Variants in NBAS observed in about 807,000 individuals in gnomAD.
The protein encoded by NBAS is NAG/BC035112 fusion.
Under a neutral mutation model 302.5 loss-of-function variants are expected in NBAS, and 219 were observed. The observed-to-expected ratio is 0.72, with a 90% CI of 0.65 to 0.81. The LOEUF is 0.81. NBAS is among the 30% of genes least tolerant of loss of function. The pLI is 0.00. For missense variants in NBAS, 2,932 were observed against 2,841.6 expected, an observed-to-expected ratio of 1.03 and a Z score of -0.72; for synonymous variants, 1,118 against 1,021.6, an observed-to-expected ratio of 1.09 and a Z score of -1.80.
intron 44 of NBAS, among the ~76,000 whole-genome samples, chr2:15,247,680 CTATA>C (rs745832444): frequency 6.7e-6 from 1 of 149,450 alleles, no homozygotes; most frequent in Non-Finnish European, 1.5e-5. Flanking sequence ...CTCTCTCTCT[CTATA>C]TATATATCTA....
intron 44 of NBAS, among the ~76,000 whole-genome samples, chr2:15,268,442 T>A (rs1669172293): frequency 6.6e-6 from 1 of 152,124 alleles, no homozygotes; most frequent in Non-Finnish European, 1.5e-5. Flanking sequence ...AGGCAAAAGA[T>A]CTCACTGTCA....
intron 40 of NBAS, among the ~76,000 whole-genome samples, chr2:15,304,148 C>A (rs974280878): frequency 1.6e-4 from 25 of 152,156 alleles, no homozygotes; most frequent in Non-Finnish European, 4.4e-5. Context: ...AAGGGAAAGA[C>A]CAGATGAAGA....
downstream of NBAS, among the ~76,000 whole-genome samples, chr2:15,163,215 G>C (rs1487988180): frequency 6.6e-6 from 1 of 152,220 alleles, no homozygotes; most frequent in Non-Finnish European, 1.5e-5. Flanking sequence ...AGGGCGAAGA[G>C]AAGTGGAGTT....
intron 44 of NBAS, among the ~76,000 whole-genome samples, chr2:15,259,743 C>T (rs1477054023): frequency 6.6e-6 from 1 of 152,166 alleles, no homozygotes; most frequent in African/African-American, 2.4e-5. Flanking sequence ...CAGATAAGTG[C>T]CAATTTGCAA....
chr2:14,848,850 C>T, the NBAS span, among the ~76,000 whole-genome samples: 29 of 151,250 alleles, frequency 1.9e-4, no homozygotes, highest in African/African-American at 6.9e-4. Flanking sequence ...TTCCAACAGA[C>T]CTGCAGCTGA....
chr2:15,234,783 A>G (rs1387865552), intron 45 of NBAS, 36 bp from the exon 46 acceptor site: 1 of 1,595,280 alleles, frequency 6.3e-7, no homozygotes, highest in South Asian at 1.1e-5. Context: ...TAAGTATCAA[A>G]TAGAAATTAA....
At chr2:15,103,927 T>C in the NBAS span, among the ~76,000 whole-genome samples, 4 of 152,220 alleles carry the variant, frequency 2.6e-5, no homozygotes, top group African/African-American at 9.6e-5. Context: ...TCTTTCATGC[T>C]AAATTGTGTC....
At chr2:15,347,264 A>G (rs1426960502) in intron 35 of NBAS, among the ~76,000 whole-genome samples, 1 of 152,218 alleles carries the variant, frequency 6.6e-6, no homozygotes, top group Non-Finnish European at 1.5e-5. Flanking sequence ...GTTTCTTCAG[A>G]TGTTAGACAT....
chr2:15,488,310 C>T (rs1350863878), intron 12 of NBAS, among the ~76,000 whole-genome samples: 1 of 152,150 alleles, frequency 6.6e-6, no homozygotes, highest in Admixed American at 6.6e-5. Flanking sequence ...TATGAGCAGA[C>T]CTTTCCTTCC....
intron 19 of NBAS, among the ~76,000 whole-genome samples, chr2:15,462,653 G>A (rs1679555334): frequency 1.3e-5 from 2 of 152,114 alleles, no homozygotes; most frequent in Admixed American, 1.3e-4. Context: ...AAGGAGAGCT[G>A]AGCAGTTCAC....
chr2:14,897,159 A>C, the NBAS span, among the ~76,000 whole-genome samples: 2 of 152,070 alleles, frequency 1.3e-5, no homozygotes, highest in African/African-American at 4.8e-5. Context: ...AGCAGGTGGC[A>C]AAGCTGGAAC....
chr2:14,867,461 G>A, the NBAS span, among the ~76,000 whole-genome samples: 1 of 152,082 alleles, frequency 6.6e-6, no homozygotes, highest in African/African-American at 2.4e-5. Flanking sequence ...CAAGACCCAG[G>A]CAAGGGCAAA....
At chr2:15,259,452 C>G (rs1426453790) in intron 44 of NBAS, among the ~76,000 whole-genome samples, 2 of 152,230 alleles carry the variant, frequency 1.3e-5, no homozygotes, top group African/African-American at 2.4e-5. Flanking sequence ...ATTGTTTGTT[C>G]TAGCCAACAC....
intron 51 of NBAS, among the ~76,000 whole-genome samples, chr2:15,170,494 C>T (rs1169123718): frequency 2.0e-5 from 3 of 152,136 alleles, no homozygotes; most frequent in Non-Finnish European, 4.4e-5. Context: ...TAAAGGTCTG[C>T]GTTTGCTGAC....
At chr2:15,347,235 G>C (rs553187564) in intron 35 of NBAS, among the ~76,000 whole-genome samples, 296 of 152,210 alleles carry the variant, frequency 1.9e-3, no homozygotes, top group Non-Finnish European at 2.8e-3. Context: ...AGACACTTTG[G>C]AAAACAAAAA....
At chr2:15,521,523 T>TG in intron 9 of NBAS, among the ~76,000 whole-genome samples, 1 of 152,220 alleles carries the variant, frequency 6.6e-6, no homozygotes, top group Non-Finnish European at 1.5e-5. Context: ...ATAACACAGA[T>TG]GGAAGTTTCT....
chr2:15,511,432 T>A (rs1662140704), intron 9 of NBAS, 82 bp from the exon 10 acceptor site: 1 of 1,316,204 alleles, frequency 7.6e-7, no homozygotes, highest in East Asian at 2.3e-5. Context: ...ACAGTCACCT[T>A]GAGAAAGAAA....
At chr2:14,868,991 G>T in the NBAS span, among the ~76,000 whole-genome samples, 5 of 152,126 alleles carry the variant, frequency 3.3e-5, no homozygotes, top group Admixed American at 3.3e-4. Context: ...GGTTCCAGGG[G>T]ACATGTCACC....
intron 1 of NBAS, among the ~76,000 whole-genome samples, chr2:15,560,083 G>C (rs1664840709): frequency 6.6e-6 from 1 of 152,076 alleles, no homozygotes; most frequent in African/African-American, 2.4e-5. Flanking sequence ...CGTTTCTCCA[G>C]CAAAGAAACA....
Sources: gnomAD v4.1 joint callset for allele counts (sites outside exome capture counted in the v4.1 genomes callset) on GRCh38, gnomAD v4.1.1 for gene constraint, MANE v1.5 for transcripts, NCBI Gene and HGNC (gene_info 2026-07-23, HGNC 2026-07-21) for gene names.